NKX2-2: variants seen among roughly 807,000 people sequenced by gnomAD.
NKX2-2 encodes homeobox protein Nkx-2.2.
NKX2-2 carries 8 observed loss-of-function variants against 24.6 expected under a neutral mutation model. That is an observed-to-expected ratio of 0.32 (90% CI 0.19 to 0.59). The LOEUF is 0.59. Among genes scored for constraint, NKX2-2 ranks in the 20% least tolerant of loss-of-function variants. The probability of loss-of-function intolerance (pLI) is 0.86; values close to 1 mark genes in which losing one functional copy is unlikely to be tolerated. For missense variants in NKX2-2, 381 were observed against 373.9 expected (o/e 1.02, Z -0.16); for synonymous variants, 217 against 173.3 (o/e 1.25, Z -1.98).
intron 1 of NKX2-2, among the ~76,000 whole-genome samples, chr20:21,512,936 C>T (rs1980496547): frequency 2.0e-5 from 3 of 152,192 alleles, no homozygotes; most frequent in African/African-American, 4.8e-5. Flanking sequence ...TAGACACCCC[C>T]TGCACTGCAC....
rs1256542101 is a variant in NKX2-2 at position 21,511,653 on chromosome 20, G to T, written c.*270C>A. The T allele has an allele frequency of 8.9e-6, 3 of 336,246 alleles. No individual in the cohort carries two copies. Among genetic ancestry groups the T allele is most frequent in the Non-Finnish European group, 1.6e-5 (3 of 188,492 alleles). 20.8% of individuals were successfully genotyped at this position (336,246 alleles called of 1,614,324 possible). On this transcript the variant is annotated 3_prime_UTR_variant, in exon 2 of 2. Transcript: ENST00000377142. ...GGGAGAGGCAAAGAAGCGAAGCTGC[G>T]CAAACATTCTGTAAACACGGCGTAG...
chr20:21,517,837 G>A (rs1368752862), upstream of NKX2-2, among the ~76,000 whole-genome samples: 2 of 152,180 alleles, frequency 1.3e-5, no homozygotes, highest in East Asian at 3.9e-4. Flanking sequence ...GAGCCCAGGA[G>A]CTTTGGTTCT....
chr20:21,521,845 G>C, the NKX2-2 span, among the ~76,000 whole-genome samples: 1 of 152,142 alleles, frequency 6.6e-6, no homozygotes, highest in Non-Finnish European at 1.5e-5. Flanking sequence ...CGACAGCCCC[G>C]CCGCATTTCA....
chr20:21,518,122 T>C (rs1181156816), upstream of NKX2-2, among the ~76,000 whole-genome samples: 1 of 152,198 alleles, frequency 6.6e-6, no homozygotes, highest in Non-Finnish European at 1.5e-5. Context: ...CTCTGCAAGA[T>C]GCCTCGTTCT....
chr20:21,513,951 C>G lies in NKX2-2; in HGVS notation c.-282G>C. ...GAAGCCGGGCGGCCTGCGCGCCGAG[C>G]GCCGCGGGCCCCGGCCTTAGTTTCT... On this transcript the variant is annotated 5_prime_UTR_variant, in exon 1 of 2. Transcript: ENST00000377142. The surrounding 1 kb of genome is among the most constrained non-coding windows in gnomAD (Gnocchi z 4.6). 4.2e-6 allele frequency: 1 copy of G among 237,778 alleles called. No individual in the cohort carries two copies. The allele number at this position is 237,778 out of a possible 1,614,324, so 14.7% of individuals were successfully genotyped here. A position where few individuals can be genotyped will look rare whatever the true frequency, so the allele number is the denominator to read the frequency against.
At chr20:21,515,234 T>A (rs1348565051), upstream of NKX2-2, among the ~76,000 whole-genome samples, 2 of 94,212 alleles carry the variant, frequency 2.1e-5, no homozygotes, top group Non-Finnish European at 4.5e-5. Flanking sequence ...TGGCTAGAGG[T>A]GGAGCAGCGG....
chr20:21,514,411 TA>T (rs113344079), upstream of NKX2-2, among the ~76,000 whole-genome samples: 3 of 146,294 alleles, frequency 2.1e-5, no homozygotes, highest in Admixed American at 1.4e-4. Context: ...TTTTTTTTTT[TA>T]AACCCAGTAT....
upstream of NKX2-2, among the ~76,000 whole-genome samples, chr20:21,514,656 G>A (rs1980572018): frequency 6.6e-6 from 1 of 152,174 alleles, no homozygotes; most frequent in African/African-American, 2.4e-5. Context: ...TTTGGAAAAG[G>A]GGGAGGGGGC....
the NKX2-2 span, among the ~76,000 whole-genome samples, chr20:21,521,931 C>G: frequency 5.9e-5 from 9 of 152,208 alleles, no homozygotes; most frequent in African/African-American, 1.4e-4. Flanking sequence ...CGCGCCCTAC[C>G]AGGCGGGGCT....
rs1235176907 is a variant in NKX2-2 at position 21,513,479 on chromosome 20, G to A, written c.191C>T (p.Pro64Leu). ...CGGGTTGTCGCTGCTGTCGTAGAAG[G>A]GGTTCTTCAGGGGCAGGCTCTGCAC... ...DAVQSLPLKNPFYDSSDNPYT... is the reference protein window; with the variant it reads ...DAVQSLPLKNLFYDSSDNPYT... Residue 64 changes from proline to leucine, a missense_variant, in exon 1 of 2, where the codon CCC becomes CTC. Physicochemically the swap from Pro to Leu is moderately conservative, Grantham distance 98 (BLOSUM62 -3). This residue lies in a region of NKX2-2 where 206 missense variants were observed against 173.1 expected (regional missense o/e 1.19). Coordinates refer to ENST00000377142, the MANE Select transcript of NKX2-2 (RefSeq NM_002509.4). This position sits in a 1 kb window ranked among gnomAD's most constrained non-coding sequence, Gnocchi z 4.6. The A allele has an allele frequency of 1.9e-5, 31 of 1,610,720 alleles. No homozygotes were observed. Among genetic ancestry groups the A allele is most frequent in the Non-Finnish European group, 2.6e-5 (31 of 1,178,552 alleles).
rs1379199787 is a variant in NKX2-2 at position 21,512,464 on chromosome 20, G to T, written c.281C>A (p.Ala94Glu). The T allele has an allele frequency of 3.2e-6, 5 of 1,575,616 alleles. No individual in the cohort carries two copies. The Admixed American group carries it at 5.3e-5, about 17-fold the overall frequency. ...QYSLHGLAAG[A>E]PPQDSSSKSP... ...CTTGGAGCTTGAGTCCTGAGGGGGC[G>T]CCCCGGCAGCCAGACCGTGCACTGG... Residue 94 changes from alanine to glutamate, a missense_variant, in exon 2 of 2, where the codon GCG (alanine) becomes GAG (glutamate). Transcript: ENST00000377142.
chr20:21,516,448 C>T (rs1568639246), upstream of NKX2-2, among the ~76,000 whole-genome samples: 1 of 151,698 alleles, frequency 6.6e-6, no homozygotes, highest in African/African-American at 2.4e-5. Flanking sequence ...CCCCCTCCTC[C>T]GCCCTTTCAC....
upstream of NKX2-2, among the ~76,000 whole-genome samples, chr20:21,514,801 A>G (rs1980577090): frequency 6.6e-6 from 1 of 152,272 alleles, no homozygotes; most frequent in Non-Finnish European, 1.5e-5. Flanking sequence ...GATGAGTGCT[A>G]GAAATGACAA....
In NKX2-2 at chr20:21,513,426, C is replaced by T; in HGVS notation, c.244G>A (p.Gly82Ser). The T allele has an allele frequency of 6.4e-7, 1 of 1,574,692 alleles. No individual in the cohort carries two copies. The highest frequency in any genetic ancestry group is 8.6e-7 in the Non-Finnish European group (1 of 1,160,568). Residue 82 changes from glycine (G) to serine (S), a missense_variant, in exon 1 of 2, where the codon GGC (glycine) becomes AGC (serine). Transcript: ENST00000377142. The surrounding 1 kb of genome is among the most constrained non-coding windows in gnomAD (Gnocchi z 4.6). ...TGCTACTTACGGGAGTACTGAAGGCCCTCGGTGCTGGCCAGCCAGCGCGTG... is the reference window on the plus strand; with the variant it reads ...TGCTACTTACGGGAGTACTGAAGGCTCTCGGTGCTGGCCAGCCAGCGCGTG... ...PYTRWLASTE[G>S]LQYSLHGLAA...
At chr20:21,514,700 C>T (rs1980574004), upstream of NKX2-2, among the ~76,000 whole-genome samples, 1 of 152,218 alleles carries the variant, frequency 6.6e-6, no homozygotes, top group East Asian at 1.9e-4. Flanking sequence ...TCCTTTCCAT[C>T]GTTGGTGGTT....
chr20:21,512,932 C>A (rs1600261027), intron 1 of NKX2-2, among the ~76,000 whole-genome samples: 2 of 152,146 alleles, frequency 1.3e-5, no homozygotes, highest in South Asian at 2.1e-4. Flanking sequence ...CTTCTAGACA[C>A]CCCCTGCACT....
At chr20:21,521,682 CA>C in the NKX2-2 span, among the ~76,000 whole-genome samples, 29 of 152,232 alleles carry the variant, frequency 1.9e-4, no homozygotes, top group African/African-American at 6.8e-4. Context: ...CTGCGACGCA[CA>C]GGGGGCGACT....
chr20:21,517,731 C>G (rs1980677079), upstream of NKX2-2, among the ~76,000 whole-genome samples: 1 of 152,208 alleles, frequency 6.6e-6, no homozygotes, highest in Admixed American at 6.5e-5. Flanking sequence ...AGGGGCCAGG[C>G]GCCAAACGCA....
chr20:21,513,278 T>G lies in NKX2-2; in HGVS notation c.259+133A>C. 1.0e-6 allele frequency: 1 copy of G among 978,096 alleles called. No individual in the cohort carries two copies. 60.6% of individuals were successfully genotyped at this position (978,096 alleles called of 1,614,324 possible). On this transcript the variant is annotated intron_variant, in intron 1 of 1. Transcript: ENST00000377142. This position sits in a 1 kb window ranked among gnomAD's most constrained non-coding sequence, Gnocchi z 4.6. The stretch of plus-strand genomic sequence containing the variant: ...GGACATCCTATACAGGTGTTAAAAA[T>G]CTTTCTACGGATCCGAGTGAGGGGG...
Sources: allele counts gnomAD v4.1 joint callset (sites outside exome capture counted in the v4.1 genomes callset), GRCh38; gene constraint gnomAD v4.1.1; regional missense constraint gnomAD v4.1.1; non-coding constraint Gnocchi (gnomAD v3.1); transcripts MANE v1.5; gene names NCBI Gene and HGNC (gene_info 2026-07-23, HGNC 2026-07-21).